Variants in ELAPOR2 observed in about 807,000 individuals in gnomAD.
ELAPOR2 encodes the protein endosome/lysosome-associated apoptosis and autophagy regulator family member 2.
In ELAPOR2, 89 loss-of-function variants were observed where a neutral mutation model predicts 120.7. The ratio of observed to expected loss-of-function variants is 0.74; its 90% CI spans 0.62 to 0.88. The LOEUF is 0.88. Among genes scored for constraint, ELAPOR2 ranks in the 40% least tolerant of loss-of-function variants. ELAPOR2 has a pLI of 0.00. For synonymous variants in ELAPOR2, 444 were observed against 444.9 expected, an observed-to-expected ratio of 1.00 and a Z score of 0.03; for missense variants, 1,134 against 1,251.6, an observed-to-expected ratio of 0.91 and a Z score of 1.42.
intron 1 of ELAPOR2, among the ~76,000 whole-genome samples, chr7:86,972,029 T>C (rs556666514): frequency 3.4e-4 from 52 of 152,306 alleles, no homozygotes; most frequent in African/African-American, 1.3e-3. Flanking sequence ...ATGCATTCTG[T>C]GTTCTCAGAA....
At position 87,043,187 on chromosome 7, in the gene ELAPOR2, G is replaced by C. The variant is rs542457381; in HGVS notation, c.189+16138C>G. Among the ~76,000 whole-genome samples the C allele has an allele frequency of 3.7e-3, 559 of 151,776 alleles. 5 individuals are homozygous for C. Among genetic ancestry groups the C allele is most frequent in the African/African-American group, 0.012 (492 of 41,162 alleles). On this transcript the variant is annotated intron_variant, in intron 1 of 21. Coordinates refer to ENST00000450689, the MANE Select transcript of ELAPOR2 (RefSeq NM_001142749.3). Reference sequence around the variant, plus strand: ...AGCCGAATTCTACCAGAGGTACAAGGAGGAACTGGTACCATTCCTTCTGAA... The same window carrying C: ...AGCCGAATTCTACCAGAGGTACAAGCAGGAACTGGTACCATTCCTTCTGAA...
At chr7:87,014,756 G>A (rs530758296) in intron 1 of ELAPOR2, among the ~76,000 whole-genome samples, 7 of 152,132 alleles carry the variant, frequency 4.6e-5, no homozygotes, top group African/African-American at 1.7e-4. Context: ...CTTGATTCCT[G>A]TAATATAATT....
intron 1 of ELAPOR2, among the ~76,000 whole-genome samples, chr7:87,004,706 A>T (rs1424100054): frequency 6.6e-6 from 1 of 152,184 alleles, no homozygotes; most frequent in African/African-American, 2.4e-5. Context: ...GAGGCACGTC[A>T]TCAGCTGCAC....
intron 21 of ELAPOR2, among the ~76,000 whole-genome samples, chr7:86,889,483 A>G (rs1343224516): frequency 6.6e-6 from 1 of 151,336 alleles, no homozygotes; most frequent in Non-Finnish European, 1.5e-5. Context: ...TTTTTTTTCA[A>G]TCTGATAATC....
intron 1 of ELAPOR2, among the ~76,000 whole-genome samples, chr7:87,032,929 T>G (rs1167791134): frequency 1.3e-5 from 2 of 152,224 alleles, no homozygotes; most frequent in East Asian, 1.9e-4. Flanking sequence ...ACATCTACCT[T>G]GGAGGAGACG....
chr7:86,938,715 C>CTGTCATACT, intron 7 of ELAPOR2, 93 bp downstream of exon 7: 1 of 1,325,570 alleles, frequency 7.5e-7, no homozygotes, highest in Non-Finnish European at 1.1e-6. Flanking sequence ...GGCACCACTG[C>CTGTCATACT]TGTCATACTT....
Position 86,912,330 on chromosome 7 carries a change from A to G in ELAPOR2, c.1996-85T>C, listed in dbSNP as rs1195918420. The stretch of plus-strand genomic sequence containing the variant: ...TGTGTTTGAAAAAAGTTCTAGGTAT[A>G]AAAACTATTCCAGTAATTTAGTCTT... On this transcript the variant is annotated intron_variant, in intron 14 of 21. Coordinates refer to ENST00000450689, the MANE Select transcript of ELAPOR2 (RefSeq NM_001142749.3). The G allele has an allele frequency of 1.0e-5, 8 of 795,268 alleles. No individual in the cohort carries two copies. The South Asian group carries it at 1.7e-4, about 16-fold the overall frequency. The allele number at this position is 795,268 out of a possible 1,614,324, so 49.3% of individuals were successfully genotyped here.
In ELAPOR2 at chr7:87,059,518, G is replaced by A. The variant is rs143834627; in HGVS notation, c.-5C>T. 6.7e-3 allele frequency: 7,947 copies of A among 1,190,998 alleles called. 40 individuals are homozygous for A. The highest frequency in any genetic ancestry group is 6.8e-3 in the Non-Finnish European group (6,541 of 961,482). 73.8% of individuals were successfully genotyped at this position (1,190,998 alleles called of 1,614,324 possible). On this transcript the variant is annotated 5_prime_UTR_variant, in exon 1 of 22. The change creates a new upstream start codon in the 5' untranslated region. Coordinates refer to ENST00000450689, the MANE Select transcript of ELAPOR2 (RefSeq NM_001142749.3). ...CCCCCGGGCGCGGAACAGCATCTTC[G>A]TCCGGCCGCGGTCGGCGGGCCGGCG...
chr7:86,887,404 T>C (rs1053742150), intron 21 of ELAPOR2, among the ~76,000 whole-genome samples: 52 of 152,096 alleles, frequency 3.4e-4, no homozygotes, highest in African/African-American at 1.2e-3. Flanking sequence ...CAGTTCTTCC[T>C]GGGCAAATTG....
intron 21 of ELAPOR2, among the ~76,000 whole-genome samples, chr7:86,890,487 G>A (rs933189566): frequency 6.6e-6 from 1 of 152,026 alleles, no homozygotes; most frequent in Non-Finnish European, 1.5e-5. Context: ...ATGCAACCAA[G>A]TGATATCATT....
chr7:86,908,355 C>T (rs76747842), intron 17 of ELAPOR2, 92 bp downstream of exon 17: 108 of 678,540 alleles, frequency 1.6e-4, no homozygotes, highest in Non-Finnish European at 2.4e-4. Flanking sequence ...TGATTACATA[C>T]CCATAATTAT....
At position 86,879,343 on chromosome 7, in the gene ELAPOR2, A is replaced by C. The variant is rs147659743; in HGVS notation, c.*1128T>G. On this transcript the variant is annotated 3_prime_UTR_variant, in exon 22 of 22. Coordinates refer to ENST00000450689, the MANE Select transcript of ELAPOR2 (RefSeq NM_001142749.3). ...GGATCACTTTTGAATAAGAACAATA[A>C]TTCTTTCATAACTGCTTATGAAATA... 7.1e-4 allele frequency: 108 copies of C among 152,304 alleles called. 1 individual carries two copies. The highest frequency in any genetic ancestry group is 2.4e-3 in the African/African-American group (98 of 41,576). The allele number at this position is 152,304 out of a possible 1,614,324, so 9.4% of individuals were successfully genotyped here.
chr7:87,018,450 T>G (rs1046369318), intron 1 of ELAPOR2, among the ~76,000 whole-genome samples: 31 of 152,222 alleles, frequency 2.0e-4, no homozygotes, highest in African/African-American at 7.5e-4. Context: ...ATATTTTGCC[T>G]ATTTATAATA....
Position 86,998,360 on chromosome 7 carries a change from G to A in ELAPOR2, c.190-33336C>T, listed in dbSNP as rs541116944. On this transcript the variant is annotated intron_variant, in intron 1 of 21. Coordinates refer to ENST00000450689, the MANE Select transcript of ELAPOR2 (RefSeq NM_001142749.3). ...CTGCAAGTCTTAAAAAATGGTGAAC[G>A]ATTAAGAAGCATTTTCTGTATTTTT... 2.6e-5 allele frequency among the ~76,000 whole-genome samples: 4 copies of A among 152,252 alleles called. 1 individual carries two copies. The highest frequency in any genetic ancestry group is 9.6e-5 in the African/African-American group (4 of 41,554).
intron 1 of ELAPOR2, among the ~76,000 whole-genome samples, chr7:86,994,337 G>A (rs6465090): frequency 0.38 from 57,554 of 151,966 alleles, 11,748 homozygotes; most frequent in African/African-American, 0.53. Context: ...GTATAACAAT[G>A]AGTAAATAAA....
chr7:86,987,320 A>G (rs4728655), intron 1 of ELAPOR2, among the ~76,000 whole-genome samples: 56,947 of 151,898 alleles, frequency 0.37, 11,434 homozygotes, highest in African/African-American at 0.52. Flanking sequence ...CAAAAGCAAC[A>G]GCAACAAAAG....
At chr7:86,949,117 C>T (rs923829390) in intron 2 of ELAPOR2, among the ~76,000 whole-genome samples, 1 of 152,168 alleles carries the variant, frequency 6.6e-6, no homozygotes, top group East Asian at 1.9e-4. Context: ...CTTAAAGATG[C>T]TGTACAATGA....
intron 1 of ELAPOR2, among the ~76,000 whole-genome samples, chr7:87,044,610 G>A (rs1253020348): frequency 6.6e-6 from 1 of 151,628 alleles, no homozygotes; most frequent in African/African-American, 2.4e-5. Context: ...ATCAATTCAA[G>A]ATGGATTAAA....
At chr7:86,990,823 G>C (rs1001978355) in intron 1 of ELAPOR2, among the ~76,000 whole-genome samples, 1 of 152,106 alleles carries the variant, frequency 6.6e-6, no homozygotes, top group Non-Finnish European at 1.5e-5. Flanking sequence ...CCTTTCTTCA[G>C]TGTTCACAGA....
Sources: allele counts gnomAD v4.1 joint callset (sites outside exome capture counted in the v4.1 genomes callset), GRCh38; gene constraint gnomAD v4.1.1; transcripts MANE v1.5; gene names NCBI Gene and HGNC (gene_info 2026-07-23, HGNC 2026-07-21).